APOLD1: variants seen among roughly 807,000 people sequenced by gnomAD.
APOLD1 encodes the protein apolipoprotein L domain-containing protein 1.
Under a neutral mutation model 15.3 loss-of-function variants are expected in APOLD1, and 22 were observed. The ratio of observed to expected loss-of-function variants is 1.44; its 90% CI spans 1.03 to 2.05. The LOEUF is 2.05. Ranked by LOEUF, APOLD1 falls within the 30% of genes most tolerant of loss-of-function variation. APOLD1 has a pLI of 0.00. For missense variants in APOLD1, 394 were observed against 353.5 expected (o/e 1.11, Z -0.92); for synonymous variants, 190 against 167.4 (o/e 1.13, Z -1.04).
intron 1 of APOLD1, among the ~76,000 whole-genome samples, chr12:12,727,179 G>A (rs574554467): frequency 2.0e-5 from 3 of 152,108 alleles, no homozygotes; most frequent in Non-Finnish European, 2.9e-5. Flanking sequence ...CTATTTGAGC[G>A]CTTGAATGTG....
intron 1 of APOLD1, 118 bp downstream of exon 1, chr12:12,785,812 T>G: frequency 5.0e-6 from 5 of 1,001,278 alleles, no homozygotes; most frequent in Non-Finnish European, 8.0e-6. Flanking sequence ...AATTAAGTCC[T>G]GTGAATAAGG....
At chr12:12,773,423 C>G (rs112048613) in intron 1 of APOLD1, among the ~76,000 whole-genome samples, 427 of 152,112 alleles carry the variant, frequency 2.8e-3, no homozygotes, top group African/African-American at 9.7e-3. Context: ...ATTAACCAGG[C>G]ATGATGGTGT....
At chr12:12,730,991 A>T (rs1377160970) in intron 1 of APOLD1, among the ~76,000 whole-genome samples, 1 of 151,890 alleles carries the variant, frequency 6.6e-6, no homozygotes, top group East Asian at 1.9e-4. Context: ...AATAAAAAAA[A>T]TTAGCCGGGC....
At chr12:12,777,546 T>C (rs764512407) in intron 1 of APOLD1, among the ~76,000 whole-genome samples, 9 of 152,198 alleles carry the variant, frequency 5.9e-5, no homozygotes, top group Admixed American at 1.3e-4. Flanking sequence ...CTAGAAGTGA[T>C]TTGGATTTCA....
intron 1 of APOLD1, among the ~76,000 whole-genome samples, chr12:12,765,763 A>G (rs941572893): frequency 6.6e-6 from 1 of 152,170 alleles, no homozygotes; most frequent in Non-Finnish European, 1.5e-5. Context: ...CCAGCTTCTC[A>G]GGAGGCTGAG....
intron 1 of APOLD1, among the ~76,000 whole-genome samples, chr12:12,769,984 A>G (rs1314976069): frequency 6.6e-6 from 1 of 152,256 alleles, no homozygotes; most frequent in Non-Finnish European, 1.5e-5. Flanking sequence ...AAAGTATACT[A>G]AAAGGCAAAA....
chr12:12,728,665 C>CAAGAAA lies in APOLD1; in HGVS notation c.96+2571_96+2572insGAAAAA, dbSNP rs1946613019. On this transcript the variant is annotated intron_variant, in intron 1 of 1. Transcript: ENST00000326765. ...CCTGGGCAACAGTGAGACCCTGTCT[C>CAAGAAA]AAAAAAAAAAAAAAAAAAAAAAAAA... Among the ~76,000 whole-genome samples the CAAGAAA allele has an allele frequency of 3.2e-5, 2 of 62,872 alleles. 1 individual carries two copies. The highest frequency in any genetic ancestry group is 1.8e-4 in the African/African-American group (2 of 11,276). 41.2% of individuals were successfully genotyped at this position (62,872 alleles called of 152,430 possible).
At chr12:12,735,360 A>G (rs1248518133) in intron 1 of APOLD1, among the ~76,000 whole-genome samples, 5 of 152,168 alleles carry the variant, frequency 3.3e-5, no homozygotes, top group African/African-American at 7.2e-5. Flanking sequence ...AGCGAGGGTT[A>G]GAGAATCCCT....
intron 1 of APOLD1, among the ~76,000 whole-genome samples, chr12:12,742,222 A>G (rs150227608): frequency 6.6e-6 from 1 of 152,188 alleles, no homozygotes; most frequent in African/African-American, 2.4e-5. Flanking sequence ...GCTTTGGCAA[A>G]AAAAAAGGAA....
At chr12:12,777,889 GTTTTTTTTTT>G (rs71436735) in intron 1 of APOLD1, among the ~76,000 whole-genome samples, 22 of 117,090 alleles carry the variant, frequency 1.9e-4, no homozygotes, top group Admixed American at 2.7e-4. Flanking sequence ...AAGGAAAGGT[GTTTTTTTTTT>G]TTTTTTTTTT....
upstream of APOLD1, among the ~76,000 whole-genome samples, chr12:12,782,551 A>G (rs1016197251): frequency 1.2e-4 from 18 of 152,204 alleles, no homozygotes; most frequent in Admixed American, 1.1e-3. Context: ...ACTTGTCTCT[A>G]CAAAAAGTCA....
intron 1 of APOLD1, among the ~76,000 whole-genome samples, chr12:12,731,398 C>T (rs190126895): frequency 1.8e-4 from 27 of 152,212 alleles, no homozygotes; most frequent in African/African-American, 6.5e-4. Context: ...TTTTAAGGCA[C>T]TTGTTGAATT....
intron 1 of APOLD1, among the ~76,000 whole-genome samples, chr12:12,780,154 G>A (rs1947067827): frequency 6.6e-6 from 1 of 152,002 alleles, no homozygotes; most frequent in Non-Finnish European, 1.5e-5. Context: ...AACTATGAGA[G>A]CTTGACTATG....
chr12:12,778,033 T>G (rs1029069757), intron 1 of APOLD1, among the ~76,000 whole-genome samples: 2 of 151,056 alleles, frequency 1.3e-5, no homozygotes, highest in African/African-American at 2.4e-5. Flanking sequence ...GAAGCGATCC[T>G]CCCACCTCAG....
intron 1 of APOLD1, among the ~76,000 whole-genome samples, chr12:12,732,212 T>C (rs1946645685): frequency 6.6e-6 from 1 of 152,182 alleles, no homozygotes; most frequent in African/African-American, 2.4e-5. Context: ...GAAACTATGC[T>C]ATGCAATAAA....
chr12:12,782,711 G>C (rs1347652405), upstream of APOLD1, among the ~76,000 whole-genome samples: 1 of 152,186 alleles, frequency 6.6e-6, no homozygotes, highest in Non-Finnish European at 1.5e-5. Flanking sequence ...AGATCTGAAG[G>C]CTAGTTTGAA....
chr12:12,757,854 C>A (rs1223107275), intron 1 of APOLD1, among the ~76,000 whole-genome samples: 1 of 150,732 alleles, frequency 6.6e-6, no homozygotes, highest in African/African-American at 2.4e-5. Flanking sequence ...GGTCTTGGAA[C>A]ATATGCCTCA....
intron 1 of APOLD1, chr12:12,771,559 T>A: frequency 1.9e-6 from 1 of 522,932 alleles, no homozygotes; most frequent in Non-Finnish European, 3.8e-6. Context: ...TCCTGCCCCA[T>A]TTGTTTTTGG....
At chr12:12,760,878 A>G (rs1812895228) in intron 1 of APOLD1, among the ~76,000 whole-genome samples, 1 of 152,230 alleles carries the variant, frequency 6.6e-6, no homozygotes, top group Non-Finnish European at 1.5e-5. Flanking sequence ...AACTTGGTAC[A>G]TAGTAGGATA....
Sources: gnomAD v4.1 joint callset for allele counts (sites outside exome capture counted in the v4.1 genomes callset) on GRCh38, gnomAD v4.1.1 for gene constraint, MANE v1.5 for transcripts, NCBI Gene and HGNC (gene_info 2026-07-23, HGNC 2026-07-21) for gene names.